ALOX5: variants seen among roughly 807,000 people sequenced by gnomAD.
The protein encoded by ALOX5 is arachidonate 5-lipoxygenase, also known as polyunsaturated fatty acid 5-lipoxygenase.
In ALOX5, 64 loss-of-function variants were observed where a neutral mutation model predicts 87.9. The ratio of observed to expected loss-of-function variants is 0.73; its 90% CI spans 0.60 to 0.90. The LOEUF (loss-of-function observed/expected upper bound fraction) is 0.90. ALOX5 is among the 40% of genes least tolerant of loss of function. The probability of loss-of-function intolerance (pLI) is 0.00; values close to 1 mark genes in which losing one functional copy is unlikely to be tolerated. For missense variants in ALOX5, 822 were observed against 907.5 expected (o/e 0.91, Z 1.21); for synonymous variants, 388 against 355.1 (o/e 1.09, Z -1.04).
Position 45,425,091 on chromosome 10 carries a change from T to C in ALOX5, c.793T>C (p.Cys265Arg), listed in dbSNP as rs756954322. The change falls in exon 6 of 14, where the codon TGC (cysteine) becomes CGC (arginine). Residue 265 changes from cysteine (C) to arginine (R), a missense_variant. Coordinates refer to ENST00000374391, the MANE Select transcript of ALOX5 (RefSeq NM_000698.5). The surrounding 1 kb of genome is among the most constrained non-coding windows in gnomAD (Gnocchi z 4.4). Reference sequence around the variant, plus strand: ...CCCGGTGACCACGGAGATGGTAGAGTGCAGCCTGGAGCGGCAGCTCAGCTT... The same window carrying C: ...CCCGGTGACCACGGAGATGGTAGAGCGCAGCCTGGAGCGGCAGCTCAGCTT... ...KLPVTTEMVE[C>R]SLERQLSLEQ... 24 of 1,613,326 alleles carry C rather than the reference T, an allele frequency of 1.5e-5. No homozygotes were observed. The South Asian group carries it at 2.5e-4, about 17-fold the overall frequency.
At chr10:45,412,590 C>G (rs1190297970) in intron 4 of ALOX5, among the ~76,000 whole-genome samples, 1 of 152,224 alleles carries the variant, frequency 6.6e-6, no homozygotes, top group Non-Finnish European at 1.5e-5. Flanking sequence ...GCCTCCTCCC[C>G]ATCCATATCT....
At chr10:45,430,792 C>A (rs959208315) in intron 7 of ALOX5, among the ~76,000 whole-genome samples, 1 of 151,804 alleles carries the variant, frequency 6.6e-6, no homozygotes, top group African/African-American at 2.4e-5. Context: ...TGGAAACAGA[C>A]CTACACAGCG....
At position 45,425,193 on chromosome 10, in the gene ALOX5, C is replaced by T; in HGVS notation, c.834+61C>T. The stretch of plus-strand genomic sequence containing the variant: ...ACAGTCTGTCAGGTGGAAGCCAGTT[C>T]CTCCTGGCCAGTGCTCATAGGCCAC... On this transcript the variant is annotated intron_variant, in intron 6 of 13. Transcript: ENST00000374391. This position sits in a 1 kb window ranked among gnomAD's most constrained non-coding sequence, Gnocchi z 4.4. The T allele has an allele frequency of 3.2e-6, 5 of 1,548,718 alleles. No homozygotes were observed. The highest frequency in any genetic ancestry group is 4.4e-6 in the Non-Finnish European group (5 of 1,143,702).
rs1386302982 is a variant in ALOX5 at position 45,425,128 on chromosome 10, T to C, written c.830T>C (p.Val277Ala). Residue 277 changes from valine (V) to alanine (A), a missense_variant, in exon 6 of 14, where the codon GTC (valine) becomes GCC (alanine). By Grantham distance (64) the Val-to-Ala change is moderately conservative. Transcript: ENST00000374391. This position sits in a 1 kb window ranked among gnomAD's most constrained non-coding sequence, Gnocchi z 4.4. ...CGGCAGCTCAGCTTGGAGCAGGAGGTCCAGGTAGGGGTTGATGGGCTGGGG... is the reference window on the plus strand; with the variant it reads ...CGGCAGCTCAGCTTGGAGCAGGAGGCCCAGGTAGGGGTTGATGGGCTGGGG... ...LERQLSLEQEVQQGNIFIVDF... is the reference protein window; with the variant it reads ...LERQLSLEQEAQQGNIFIVDF... The C allele has an allele frequency of 1.9e-6, 3 of 1,612,956 alleles. No homozygotes were observed. The African/African-American group carries it at 4.0e-5, about 22-fold the overall frequency.
At chr10:45,422,730 C>T (rs1298327287) in intron 4 of ALOX5, among the ~76,000 whole-genome samples, 1 of 152,218 alleles carries the variant, frequency 6.6e-6, no homozygotes, top group Non-Finnish European at 1.5e-5. Flanking sequence ...CAGATACACC[C>T]CATGTGCGCA....
chr10:45,403,920 C>T (rs1269977728), intron 3 of ALOX5, among the ~76,000 whole-genome samples: 1 of 152,208 alleles, frequency 6.6e-6, no homozygotes. Context: ...CCCCTGCAGC[C>T]AGTTCTCAGA....
chr10:45,390,105 T>C (rs1840160566), intron 2 of ALOX5, among the ~76,000 whole-genome samples: 1 of 152,166 alleles, frequency 6.6e-6, no homozygotes, highest in African/African-American at 2.4e-5. Context: ...GGCCATTACA[T>C]AATGGTAAAG....
At chr10:45,421,923 T>G (rs1427407095) in intron 4 of ALOX5, among the ~76,000 whole-genome samples, 2 of 152,206 alleles carry the variant, frequency 1.3e-5, no homozygotes, top group Non-Finnish European at 1.5e-5. Context: ...GGCTCCTTGT[T>G]CATCCTGACA....
At chr10:45,381,379 CACTT>C (rs1172151165) in intron 1 of ALOX5, among the ~76,000 whole-genome samples, 1 of 152,244 alleles carries the variant, frequency 6.6e-6, no homozygotes, top group African/African-American at 2.4e-5. Flanking sequence ...CATTTTCACT[CACTT>C]ATTATCCCCA....
intron 9 of ALOX5, 176 bp from the exon 10 acceptor site, chr10:45,442,862 C>T: frequency 1.5e-6 from 1 of 660,910 alleles, no homozygotes; most frequent in South Asian, 2.0e-5. Context: ...AGCACCTCTC[C>T]ACCCGGCTGC....
At chr10:45,431,727 C>T in intron 7 of ALOX5, among the ~76,000 whole-genome samples, 1 of 151,976 alleles carries the variant, frequency 6.6e-6, no homozygotes, top group East Asian at 1.9e-4. Flanking sequence ...CACCTGCCAC[C>T]ACGCCCAGCT....
At chr10:45,441,477 G>A (rs1842233125) in intron 9 of ALOX5, 47 bp downstream of exon 9, 1 of 1,574,186 alleles carries the variant, frequency 6.4e-7, no homozygotes, top group Non-Finnish European at 8.7e-7. Flanking sequence ...GCCCAGCCTG[G>A]CCGCCTTCAC....
chr10:45,390,209 C>A (rs1384655527), intron 2 of ALOX5, among the ~76,000 whole-genome samples: 2 of 152,216 alleles, frequency 1.3e-5, no homozygotes, highest in Admixed American at 6.5e-5. Flanking sequence ...TAGAGACCTA[C>A]AAAGAGACCT....
chr10:45,442,782 C>A, intron 9 of ALOX5: 1 of 469,602 alleles, frequency 2.1e-6, no homozygotes, highest in Non-Finnish European at 3.7e-6. Context: ...GGGAGCGCAC[C>A]CTTCCCTCTT....
intron 4 of ALOX5, among the ~76,000 whole-genome samples, chr10:45,418,691 G>C (rs59243389): frequency 0.016 from 2,439 of 152,284 alleles, 62 homozygotes; most frequent in African/African-American, 0.055. Flanking sequence ...GGGGGCTGCA[G>C]CGGAGAGAGA....
At chr10:45,400,187 A>G (rs1286797168) in intron 3 of ALOX5, among the ~76,000 whole-genome samples, 2 of 152,268 alleles carry the variant, frequency 1.3e-5, no homozygotes, top group Non-Finnish European at 2.9e-5. Context: ...TTGTACACAC[A>G]TATTTATAGC....
intron 7 of ALOX5, among the ~76,000 whole-genome samples, chr10:45,434,397 T>C (rs1842002395): frequency 6.6e-6 from 1 of 152,100 alleles, no homozygotes; most frequent in Admixed American, 6.5e-5. Context: ...GGAGCATAGT[T>C]TGTGATGGGG....
chr10:45,405,888 G>A (rs561838639), intron 3 of ALOX5, among the ~76,000 whole-genome samples: 50 of 152,148 alleles, frequency 3.3e-4, no homozygotes, highest in African/African-American at 1.0e-3. Flanking sequence ...ACAGGCGTGC[G>A]CCACCATGCC....
At chr10:45,404,179 T>G (rs1013058304) in intron 3 of ALOX5, among the ~76,000 whole-genome samples, 1 of 152,222 alleles carries the variant, frequency 6.6e-6, no homozygotes, top group African/African-American at 2.4e-5. Flanking sequence ...TTCTTCCTCC[T>G]TCCACTCATC....
Sources: gnomAD v4.1 joint callset for allele counts (sites outside exome capture counted in the v4.1 genomes callset) on GRCh38, gnomAD v4.1.1 for gene constraint, Gnocchi (gnomAD v3.1) non-coding constraint, MANE v1.5 for transcripts, NCBI Gene and HGNC (gene_info 2026-07-23, HGNC 2026-07-21) for gene names.